FANK1: variants seen among roughly 807,000 people sequenced by gnomAD.
FANK1 encodes fibronectin type III and ankyrin repeat domains 1, also known as fibronectin type 3 and ankyrin repeat domains protein 1.
FANK1 carries 44 observed loss-of-function variants against 45.3 expected under a neutral mutation model. The ratio of observed to expected loss-of-function variants is 0.97; its 90% confidence interval spans 0.76 to 1.25. The LOEUF is 1.25. Ranked by LOEUF, FANK1 falls within the 50% of genes most tolerant of loss-of-function variation. The probability of loss-of-function intolerance (pLI) is 0.00; values close to 1 mark genes in which losing one functional copy is unlikely to be tolerated. For missense variants in FANK1, 391 were observed against 424.4 expected, an observed-to-expected ratio of 0.92 and a Z score of 0.69; for synonymous variants, 149 against 152.5, an observed-to-expected ratio of 0.98 and a Z score of 0.17.
chr10:125,989,262 G>A (rs1564950910), intron 3 of FANK1: 1 of 1,546,084 alleles, frequency 6.5e-7, no homozygotes, highest in East Asian at 2.4e-5. Flanking sequence ...GCATTTTAAA[G>A]ATGCTATCTA....
chr10:125,898,878 AT>A (rs1386446066), intron 1 of FANK1, among the ~76,000 whole-genome samples: 1 of 147,740 alleles, frequency 6.8e-6, no homozygotes, highest in Non-Finnish European at 1.5e-5. Context: ...TTCAATCACC[AT>A]TTAGCTCAAG....
At chr10:125,968,920 GC>G (rs1206018559) in intron 1 of FANK1, among the ~76,000 whole-genome samples, 2 of 152,150 alleles carry the variant, frequency 1.3e-5, no homozygotes, top group Non-Finnish European at 2.9e-5. Context: ...AGTGTATGAA[GC>G]CCTTTATTAT....
chr10:125,990,264 TAATA>T (rs1214462005), intron 3 of FANK1, among the ~76,000 whole-genome samples: 1 of 152,188 alleles, frequency 6.6e-6, no homozygotes, highest in Non-Finnish European at 1.5e-5. Context: ...GGGAGTTCCT[TAATA>T]AATAAGTCAG....
chr10:126,003,179 G>C, intron 6 of FANK1, among the ~76,000 whole-genome samples: 1 of 149,668 alleles, frequency 6.7e-6, no homozygotes, highest in South Asian at 2.1e-4. Context: ...AATGTCCTAT[G>C]TTCTGGATTT....
intron 1 of FANK1, among the ~76,000 whole-genome samples, chr10:125,971,406 G>A (rs984334149): frequency 1.3e-5 from 2 of 151,522 alleles, no homozygotes; most frequent in African/African-American, 2.4e-5. Context: ...CCCTGACCTC[G>A]GTGCTATAAT....
intron 1 of FANK1, among the ~76,000 whole-genome samples, chr10:125,898,376 G>C (rs1353807392): frequency 1.3e-5 from 2 of 151,996 alleles, no homozygotes; most frequent in Admixed American, 6.6e-5. Flanking sequence ...GTCATCCCAG[G>C]AAAACTAAGC....
At position 126,009,422 on chromosome 10, in the gene FANK1, A is replaced by T. The variant is rs1460674529; in HGVS notation, c.1022A>T (p.Lys341Met). 4 of 1,614,160 alleles carry T rather than the reference A, an allele frequency of 2.5e-6. No individual in the cohort carries two copies. The Admixed American group carries it at 5.0e-5, about 20-fold the overall frequency. Residue 341 changes from lysine (K) to methionine (M), a missense_variant, in exon 11 of 11, where the codon AAG (lysine) becomes ATG (methionine). Coordinates refer to ENST00000368693, the MANE Select transcript of FANK1 (RefSeq NM_145235.5). ...AGGAAAAAAAAGCAGAGGCCAAAGA[A>T]GTCTTGTGTCTGCTGATGAGAGCAC... ...EERKKKQRPK[K>M]SCVC
At chr10:125,939,180 G>A (rs376930406) in intron 1 of FANK1, among the ~76,000 whole-genome samples, 10 of 152,264 alleles carry the variant, frequency 6.6e-5, no homozygotes, top group Middle Eastern at 3.4e-3. Context: ...GAAAGACAAC[G>A]AAAGATGGGC....
intron 1 of FANK1, among the ~76,000 whole-genome samples, chr10:125,942,813 CT>C (rs772933009): frequency 0.026 from 3,254 of 126,822 alleles, 72 homozygotes; most frequent in African/African-American, 0.082. Context: ...TTATAATTTG[CT>C]TTTTTTTTTT....
At chr10:125,970,687 G>A (rs1053061277) in intron 1 of FANK1, among the ~76,000 whole-genome samples, 5 of 152,192 alleles carry the variant, frequency 3.3e-5, no homozygotes, top group African/African-American at 4.8e-5. Flanking sequence ...GACAGCGCGC[G>A]CCTGCAATCC....
At chr10:125,953,395 A>G (rs1949377247) in intron 1 of FANK1, among the ~76,000 whole-genome samples, 1 of 152,054 alleles carries the variant, frequency 6.6e-6, no homozygotes, top group Non-Finnish European at 1.5e-5. Context: ...TCCTAAATAG[A>G]ATGGAGTCAC....
At chr10:125,915,868 G>A (rs1234622600) in intron 1 of FANK1, among the ~76,000 whole-genome samples, 1 of 152,206 alleles carries the variant, frequency 6.6e-6, no homozygotes, top group Non-Finnish European at 1.5e-5. Context: ...CTGAAGCACA[G>A]ATGTTTTCCC....
intron 1 of FANK1, among the ~76,000 whole-genome samples, chr10:125,941,864 A>G (rs184525707): frequency 1.3e-5 from 2 of 152,382 alleles, no homozygotes; most frequent in East Asian, 3.9e-4. Context: ...AATTCATATT[A>G]CAATGTTATT....
chr10:125,988,247 A>G (rs988413811), intron 2 of FANK1, among the ~76,000 whole-genome samples: 11 of 152,206 alleles, frequency 7.2e-5, no homozygotes, highest in African/African-American at 2.7e-4. Context: ...TCAAATATAA[A>G]ACTTTGTTAC....
chr10:125,984,344 C>T (rs1432060367), intron 2 of FANK1, among the ~76,000 whole-genome samples: 1 of 152,176 alleles, frequency 6.6e-6, no homozygotes, highest in Non-Finnish European at 1.5e-5. Context: ...TACTTCACTT[C>T]TGTGTATACT....
At chr10:125,911,055 C>T (rs550257958) in intron 1 of FANK1, among the ~76,000 whole-genome samples, 1 of 150,062 alleles carries the variant, frequency 6.7e-6, no homozygotes, top group African/African-American at 2.4e-5. Context: ...AAAAAGATGT[C>T]CACATTCAAA....
At chr10:126,003,245 A>G (rs1052787699) in intron 6 of FANK1, among the ~76,000 whole-genome samples, 1 of 151,882 alleles carries the variant, frequency 6.6e-6, no homozygotes, top group Admixed American at 6.6e-5. Flanking sequence ...CCCTTTATTA[A>G]CAATAAAGTT....
intron 1 of FANK1, among the ~76,000 whole-genome samples, chr10:125,965,394 G>T (rs1200443969): frequency 6.6e-6 from 1 of 152,150 alleles, no homozygotes; most frequent in Non-Finnish European, 1.5e-5. Flanking sequence ...TTTTAGACTT[G>T]TGACATACTG....
chr10:125,974,288 G>C (rs1431843822), intron 1 of FANK1, among the ~76,000 whole-genome samples: 1 of 152,204 alleles, frequency 6.6e-6, no homozygotes, highest in Non-Finnish European at 1.5e-5. Flanking sequence ...GACCAGGGCA[G>C]CCCTGTCTTC....
Sources: allele counts gnomAD v4.1 joint callset (sites outside exome capture counted in the v4.1 genomes callset), GRCh38; gene constraint gnomAD v4.1.1; transcripts MANE v1.5; gene names NCBI Gene and HGNC (gene_info 2026-07-23, HGNC 2026-07-21).